IMMP2L: variants seen among roughly 807,000 people sequenced by gnomAD.
The protein encoded by IMMP2L is inner mitochondrial membrane peptidase subunit 2, also known as mitochondrial inner membrane protease subunit 2.
A neutral mutation model predicts 19.3 loss-of-function variants in IMMP2L; 18 were observed. That is an observed-to-expected ratio of 0.93 (90% confidence interval 0.64 to 1.38). The LOEUF (loss-of-function observed/expected upper bound fraction) is 1.38, where lower values mean the gene tolerates loss of function less well. Among genes scored for constraint, IMMP2L ranks in the 40% most tolerant of loss-of-function variants. The pLI is 0.00. For synonymous variants in IMMP2L, 76 were observed against 73.0 expected (o/e 1.04, Z -0.21); for missense variants, 233 against 218.2 (o/e 1.07, Z -0.43).
intron 3 of IMMP2L, among the ~76,000 whole-genome samples, chr7:111,034,193 C>T (rs945361934): frequency 5.9e-5 from 9 of 151,984 alleles, no homozygotes; most frequent in African/African-American, 1.9e-4. Flanking sequence ...GCAGCAATCA[C>T]GTATTCAATT....
At chr7:111,140,410 G>A (rs1434543739) in intron 3 of IMMP2L, among the ~76,000 whole-genome samples, 2 of 152,140 alleles carry the variant, frequency 1.3e-5, no homozygotes, top group African/African-American at 2.4e-5. Context: ...GAGCCCAGGT[G>A]CATCAATACT....
At chr7:110,706,806 T>C (rs1340954332) in intron 5 of IMMP2L, among the ~76,000 whole-genome samples, 2 of 152,112 alleles carry the variant, frequency 1.3e-5, no homozygotes, top group Non-Finnish European at 2.9e-5. Context: ...GCCTGCTTAC[T>C]CTATTGATAG....
At chr7:110,832,233 CCTGGGG>C (rs1370021081) in intron 5 of IMMP2L, among the ~76,000 whole-genome samples, 2 of 152,024 alleles carry the variant, frequency 1.3e-5, no homozygotes, top group African/African-American at 2.4e-5. Context: ...TGCACTCCAG[CCTGGGG>C]ACAGAGCAAG....
chr7:111,180,128 T>C (rs763492758), intron 3 of IMMP2L, among the ~76,000 whole-genome samples: 1 of 152,088 alleles, frequency 6.6e-6, no homozygotes, highest in Non-Finnish European at 1.5e-5. Context: ...AGTAGCACTT[T>C]TAATTTCCTT....
At chr7:111,143,953 C>A (rs185058156) in intron 3 of IMMP2L, among the ~76,000 whole-genome samples, 1 of 148,638 alleles carries the variant, frequency 6.7e-6, no homozygotes, top group African/African-American at 2.6e-5. Flanking sequence ...CATTCATTAC[C>A]CTACCCTGTT....
At chr7:111,504,343 C>T (rs1585402315) in intron 2 of IMMP2L, among the ~76,000 whole-genome samples, 2 of 152,196 alleles carry the variant, frequency 1.3e-5, no homozygotes, top group Admixed American at 1.3e-4. Flanking sequence ...AATGGAAGGG[C>T]ATTCCATGCT....
intron 3 of IMMP2L, among the ~76,000 whole-genome samples, chr7:111,051,652 AAAAC>A (rs1302959733): frequency 3.9e-5 from 6 of 152,348 alleles, no homozygotes; most frequent in African/African-American, 1.2e-4. Context: ...GTTGTCTAAA[AAAAC>A]AAACAAAAAA....
chr7:110,889,994 A>G (rs1810631895), intron 4 of IMMP2L, among the ~76,000 whole-genome samples: 1 of 152,188 alleles, frequency 6.6e-6, no homozygotes, highest in Admixed American at 6.5e-5. Context: ...GGTAGTTATT[A>G]TTGCTATTGT....
intron 4 of IMMP2L, among the ~76,000 whole-genome samples, chr7:110,938,998 C>A (rs1328054914): frequency 6.6e-6 from 1 of 152,120 alleles, no homozygotes; most frequent in Non-Finnish European, 1.5e-5. Context: ...AAATGACAGG[C>A]AGACTCTATT....
intron 5 of IMMP2L, among the ~76,000 whole-genome samples, chr7:110,754,357 A>G (rs1797914601): frequency 6.6e-6 from 1 of 152,056 alleles, no homozygotes; most frequent in Non-Finnish European, 1.5e-5. Flanking sequence ...GTCCTTGTTC[A>G]GAAAGTCCAG....
chr7:110,718,919 T>A (rs1331941074), intron 5 of IMMP2L, among the ~76,000 whole-genome samples: 2 of 152,112 alleles, frequency 1.3e-5, no homozygotes, highest in Admixed American at 6.6e-5. Flanking sequence ...AATACACAAA[T>A]GAGGCTGGCT....
chr7:111,132,956 A>T (rs1275412661), intron 3 of IMMP2L, among the ~76,000 whole-genome samples: 1 of 152,060 alleles, frequency 6.6e-6, no homozygotes, highest in Non-Finnish European at 1.5e-5. Flanking sequence ...TAAAGTCACT[A>T]TGTTGACCTA....
At chr7:111,225,602 A>G (rs214471) in intron 3 of IMMP2L, among the ~76,000 whole-genome samples, 65,937 of 151,100 alleles carry the variant, frequency 0.44, 15,081 homozygotes, top group Non-Finnish European at 0.52. Context: ...TATAATATCA[A>G]TATAATATCA....
intron 3 of IMMP2L, among the ~76,000 whole-genome samples, chr7:111,309,506 T>C (rs1410586024): frequency 6.6e-6 from 1 of 152,130 alleles, no homozygotes; most frequent in African/African-American, 2.4e-5. Context: ...GGTATCTCCC[T>C]GGTCAAAGAA....
At chr7:111,273,350 T>C (rs765511386) in intron 3 of IMMP2L, among the ~76,000 whole-genome samples, 1 of 151,696 alleles carries the variant, frequency 6.6e-6, no homozygotes, top group Non-Finnish European at 1.5e-5. Context: ...CCCAAAGCAG[T>C]GGAAATTTTG....
chr7:111,449,040 C>A (rs1362242494), intron 3 of IMMP2L, among the ~76,000 whole-genome samples: 1 of 151,522 alleles, frequency 6.6e-6, no homozygotes. Context: ...AGACCAATAA[C>A]AGGAGCTAAA....
chr7:111,024,350 G>A (rs929269485), intron 3 of IMMP2L, among the ~76,000 whole-genome samples: 1 of 152,148 alleles, frequency 6.6e-6, no homozygotes, highest in Non-Finnish European at 1.5e-5. Flanking sequence ...ACTTGAGGGG[G>A]CAGATCTCTA....
chr7:111,279,820 C>T (rs2065237172), intron 3 of IMMP2L, among the ~76,000 whole-genome samples: 2 of 152,020 alleles, frequency 1.3e-5, no homozygotes, highest in African/African-American at 4.8e-5. Context: ...GGATTTTGTC[C>T]ATGATGCAGC....
chr7:111,098,807 G>A (rs1448961441), intron 3 of IMMP2L, among the ~76,000 whole-genome samples: 2 of 151,706 alleles, frequency 1.3e-5, no homozygotes, highest in South Asian at 2.1e-4. Context: ...TAGTTAGCTC[G>A]AAAGAACAAG....
Sources: gnomAD v4.1 joint callset for allele counts (sites outside exome capture counted in the v4.1 genomes callset) on GRCh38, gnomAD v4.1.1 for gene constraint, MANE v1.5 for transcripts, NCBI Gene and HGNC (gene_info 2026-07-23, HGNC 2026-07-21) for gene names.